The following SCFD2 variants were observed in gnomAD, a reference collection of about 807,000 sequenced individuals.
SCFD2 encodes sec1 family domain-containing protein 2.
A neutral mutation model predicts 58.9 loss-of-function variants in SCFD2; 54 were observed. The ratio of observed to expected loss-of-function variants is 0.92; its 90% CI spans 0.74 to 1.15. The LOEUF is 1.15. Ranked by LOEUF, SCFD2 falls within the 50% of genes most tolerant of loss-of-function variation. SCFD2 has a pLI of 0.00. For synonymous variants in SCFD2, 321 were observed against 335.9 expected (o/e 0.96, Z 0.49); for missense variants, 805 against 836.6 (o/e 0.96, Z 0.47).
intron 3 of SCFD2, among the ~76,000 whole-genome samples, chr4:53,290,398 A>C (rs539232154): frequency 1.3e-5 from 2 of 152,192 alleles, no homozygotes; most frequent in Non-Finnish European, 2.9e-5. Context: ...AGAAATCAAA[A>C]GAAAAATTTA....
At chr4:53,080,718 A>T (rs1724121438) in intron 5 of SCFD2, among the ~76,000 whole-genome samples, 1 of 152,152 alleles carries the variant, frequency 6.6e-6, no homozygotes, top group Admixed American at 6.6e-5. Context: ...ACTATTTTTC[A>T]TGCAATTAGG....
chr4:53,255,206 T>TTTATTTATTTAC (rs1328213939), intron 4 of SCFD2, among the ~76,000 whole-genome samples: 1 of 149,292 alleles, frequency 6.7e-6, no homozygotes, highest in Non-Finnish European at 1.5e-5. Flanking sequence ...TTTTTATTTA[T>TTTATTTATTTAC]TTATTTATTT....
At chr4:53,342,945 A>G (rs963177274) in intron 2 of SCFD2, among the ~76,000 whole-genome samples, 9 of 152,358 alleles carry the variant, frequency 5.9e-5, no homozygotes, top group African/African-American at 2.2e-4. Flanking sequence ...AATCTCTGGG[A>G]CACATTTAAA....
intron 5 of SCFD2, among the ~76,000 whole-genome samples, chr4:52,937,857 T>C (rs944089394): frequency 6.6e-6 from 1 of 152,156 alleles, no homozygotes; most frequent in African/African-American, 2.4e-5. Context: ...TCATTCTGGA[T>C]CCTGAAAATT....
chr4:52,876,718 C>G (rs998314580), intron 8 of SCFD2, among the ~76,000 whole-genome samples: 4 of 147,044 alleles, frequency 2.7e-5, no homozygotes, highest in Non-Finnish European at 4.5e-5. Context: ...CCACTGCTCT[C>G]CAGCCTGGGT....
intron 4 of SCFD2, among the ~76,000 whole-genome samples, chr4:53,247,094 G>C (rs1228094298): frequency 6.7e-6 from 1 of 150,286 alleles, no homozygotes; most frequent in Non-Finnish European, 1.5e-5. Context: ...GTTGAGCAAA[G>C]GACATGAACA....
Position 53,252,733 on chromosome 4 carries a change from T to C in SCFD2, c.1311+21093A>G, listed in dbSNP as rs546744909. Among the ~76,000 whole-genome samples, 17 of 152,266 alleles carry C rather than the reference T, an allele frequency of 1.1e-4. No homozygotes were observed. In the South Asian group the frequency reaches 2.9e-3, roughly 26 times the overall value. On this transcript the variant is annotated intron_variant, in intron 4 of 8. Transcript: ENST00000401642. The stretch of plus-strand genomic sequence containing the variant: ...TCCTTACACCTTAGAGAAAAATTAA[T>C]TCAAGATGGATTATTAAAGACTTAA...
intron 5 of SCFD2, among the ~76,000 whole-genome samples, chr4:52,988,521 G>A (rs1029792084): frequency 1.9e-4 from 29 of 152,268 alleles, no homozygotes; most frequent in Middle Eastern, 3.4e-3. Context: ...GAGAATGACC[G>A]CTGCTGATTC....
chr4:53,278,000 C>A (rs1426609976), intron 3 of SCFD2, among the ~76,000 whole-genome samples: 1 of 150,462 alleles, frequency 6.6e-6, no homozygotes, highest in African/African-American at 2.5e-5. Context: ...TTGCAGTAAG[C>A]GGAGATCCGG....
Position 53,089,722 on chromosome 4 carries a change from C to A in SCFD2, c.1561+55611G>T, listed in dbSNP as rs532246566. ...TGAAAGGGATCAAAATAAATATAAT[C>A]AATTTCTTGCCAATGGATAGAGGTT... On this transcript the variant is annotated intron_variant, in intron 5 of 8. Coordinates refer to ENST00000401642, the MANE Select transcript of SCFD2 (RefSeq NM_152540.4). 7.9e-5 allele frequency among the ~76,000 whole-genome samples: 12 copies of A among 152,190 alleles called. No individual in the cohort carries two copies. The South Asian group carries it at 2.5e-3, about 32-fold the overall frequency.
intron 2 of SCFD2, among the ~76,000 whole-genome samples, chr4:53,340,246 C>T (rs192682563): frequency 2.6e-4 from 39 of 152,258 alleles, no homozygotes; most frequent in Non-Finnish European, 4.4e-4. Context: ...CCTGGAAAAT[C>T]GGGTCACTCC....
At chr4:52,936,572 A>T (rs1720143493) in intron 5 of SCFD2, among the ~76,000 whole-genome samples, 1 of 152,178 alleles carries the variant, frequency 6.6e-6, no homozygotes, top group Non-Finnish European at 1.5e-5. Context: ...GCACCCATCA[A>T]GTCTGTCTGC....
chr4:53,299,497 A>C (rs953302128), intron 3 of SCFD2, among the ~76,000 whole-genome samples: 1 of 152,204 alleles, frequency 6.6e-6, no homozygotes, highest in African/African-American at 2.4e-5. Context: ...TGACAGGGAG[A>C]ATGGAACCAA....
chr4:53,186,116 G>A (rs1213210505), intron 4 of SCFD2, among the ~76,000 whole-genome samples: 1 of 152,110 alleles, frequency 6.6e-6, no homozygotes, highest in Non-Finnish European at 1.5e-5. Context: ...CGCTTCACAT[G>A]TATGAACTCA....
intron 2 of SCFD2, among the ~76,000 whole-genome samples, chr4:53,317,145 T>C (rs1215179524): frequency 3.3e-5 from 5 of 151,964 alleles, no homozygotes; most frequent in Non-Finnish European, 5.9e-5. Flanking sequence ...TAGATATGTG[T>C]GAGAGTTCCT....
intron 4 of SCFD2, among the ~76,000 whole-genome samples, chr4:53,209,193 C>T (rs936335784): frequency 3.9e-5 from 6 of 152,094 alleles, no homozygotes; most frequent in East Asian, 1.9e-4. Context: ...TCTCCAAGGT[C>T]GAAGTCTATA....
At chr4:52,934,635 C>T (rs1012819477) in intron 5 of SCFD2, among the ~76,000 whole-genome samples, 1 of 152,176 alleles carries the variant, frequency 6.6e-6, no homozygotes, top group African/African-American at 2.4e-5. Context: ...TAGTCATAGT[C>T]AGCATGTACT....
chr4:53,298,835 G>C (rs970626589), intron 3 of SCFD2, among the ~76,000 whole-genome samples: 18 of 151,806 alleles, frequency 1.2e-4, no homozygotes, highest in East Asian at 1.9e-4. Context: ...AGGCAAAAAG[G>C]GTCTGGAGTG....
intron 5 of SCFD2, among the ~76,000 whole-genome samples, chr4:52,960,226 C>T (rs989421338): frequency 4.6e-5 from 7 of 152,098 alleles, no homozygotes; most frequent in African/African-American, 1.7e-4. Context: ...ATTTTACTGC[C>T]CAACAGGTAA....
Sources: allele counts gnomAD v4.1 joint callset (sites outside exome capture counted in the v4.1 genomes callset), GRCh38; gene constraint gnomAD v4.1.1; transcripts MANE v1.5; gene names NCBI Gene and HGNC (gene_info 2026-07-23, HGNC 2026-07-21).